TSSK2: variants seen among roughly 807,000 people sequenced by gnomAD.
TSSK2 encodes the protein testis specific serine kinase 2, also known as testis-specific serine/threonine-protein kinase 2.
TSSK2 carries 5 observed loss-of-function variants against 14.2 expected under a neutral mutation model. The ratio of observed to expected loss-of-function variants is 0.35; its 90% CI spans 0.18 to 0.74. TSSK2 has a LOEUF of 0.74. Among genes scored for constraint, TSSK2 ranks in the 30% least tolerant of loss-of-function variants. The pLI is 0.56. For synonymous variants in TSSK2, 209 were observed against 201.9 expected (o/e 1.04, Z -0.30); for missense variants, 439 against 491.1 (o/e 0.89, Z 1.00).
chr22:19,132,136 A>T lies in TSSK2; in HGVS notation c.737A>T (p.Lys246Met). Residue 246 changes from lysine to methionine, a missense_variant, in exon 1 of 1, where the codon AAG (lysine) becomes ATG (methionine). Lys to Met is a moderately conservative substitution (Grantham distance 95). Coordinates refer to ENST00000399635, the MANE Select transcript of TSSK2 (RefSeq NM_053006.5). The surrounding 1 kb of genome is among the most constrained non-coding windows in gnomAD (Gnocchi z 4.2). ...TCCAAGAACCTGACCTGCGAGTGCA[A>T]GGACCTCATCTACCGCATGCTGCAG... ...PRSKNLTCECKDLIYRMLQPD... is the reference protein window; with the variant it reads ...PRSKNLTCECMDLIYRMLQPD... 1.2e-6 allele frequency: 2 copies of T among 1,613,050 alleles called. No individual in the cohort carries two copies. The highest frequency in any genetic ancestry group is 1.1e-5 in the South Asian group (1 of 91,060).
rs767443405 is a variant in TSSK2, at chr22:19,132,507, G to T, written c.*31G>T. The T allele has an allele frequency of 1.9e-6, 3 of 1,571,788 alleles. No individual in the cohort carries two copies. Among genetic ancestry groups the T allele is most frequent in the Non-Finnish European group, 2.6e-6 (3 of 1,155,598 alleles). The stretch of plus-strand genomic sequence containing the variant: ...CAATGGCCCCGTTGTGTGTGGTGGG[G>T]GTCGGGGTTGGGGGGCATGGTGCAG... On this transcript the variant is annotated 3_prime_UTR_variant, in exon 1 of 1. Coordinates refer to ENST00000399635, the MANE Select transcript of TSSK2 (RefSeq NM_053006.5). This position sits in a 1 kb window ranked among gnomAD's most constrained non-coding sequence, Gnocchi z 4.2.
In TSSK2 at chr22:19,131,558, G is replaced by A. The variant is rs144602456; in HGVS notation, c.159G>A (p.Val53=). 3 of 1,614,026 alleles carry A rather than the reference G, an allele frequency of 1.9e-6. No individual in the cohort carries two copies. The highest frequency in any genetic ancestry group is 1.3e-5 in the African/African-American group (1 of 74,916). The change falls in exon 1 of 1, where the codon GTG becomes GTA. Residue 53 remains valine (V), a synonymous_variant. Transcript: ENST00000399635. The surrounding 1 kb of genome is among the most constrained non-coding windows in gnomAD (Gnocchi z 5.7). ...GCAAGAAAACACCTACTGACTTTGT[G>A]GAGAGATTCCTTCCTCGGGAGATGG... ...IDRKKTPTDF[V]ERFLPREMDI...
Position 19,132,047 on chromosome 22 carries a change from T to C in TSSK2, c.648T>C (p.Tyr216=). The change falls in exon 1 of 1, where the codon TAT becomes TAC. Residue 216 remains tyrosine (Y), a synonymous_variant. Coordinates refer to ENST00000399635, the MANE Select transcript of TSSK2 (RefSeq NM_053006.5). The surrounding 1 kb of genome is among the most constrained non-coding windows in gnomAD (Gnocchi z 4.2). ...LYIMVCGSMP[Y]DDSDIRKMLR... is the part of the protein sequence containing the mutation. ...TCATGGTCTGCGGCTCCATGCCCTA[T>C]GACGACTCCGACATCAGGAAGATGC... 6.2e-7 allele frequency: 1 copy of C among 1,614,078 alleles called. No homozygotes were observed. The highest frequency in any genetic ancestry group is 8.5e-7 in the Non-Finnish European group (1 of 1,179,984).
rs138079700 is a variant in TSSK2 at position 19,132,107 on chromosome 22, G to A, written c.708G>A (p.Pro236=). Reference sequence around the variant, plus strand: ...AGAAGGAGCACCGTGTGGACTTCCCGCGCTCCAAGAACCTGACCTGCGAGT... The same window carrying A: ...AGAAGGAGCACCGTGTGGACTTCCCACGCTCCAAGAACCTGACCTGCGAGT... ...RIQKEHRVDF[P]RSKNLTCECK... Residue 236 remains proline (P), a synonymous_variant, in exon 1 of 1, where the codon CCG becomes CCA. Coordinates refer to ENST00000399635, the MANE Select transcript of TSSK2 (RefSeq NM_053006.5). This position sits in a 1 kb window ranked among gnomAD's most constrained non-coding sequence, Gnocchi z 4.2. 4.9e-5 allele frequency: 79 copies of A among 1,612,962 alleles called. No homozygotes were observed. Among genetic ancestry groups the A allele is most frequent in the African/African-American group, 4.7e-4 (35 of 75,010 alleles).
Position 19,131,417 on chromosome 22 carries a change from C to A in TSSK2, c.18C>A (p.Val6=), listed in dbSNP as rs757826987. 3 of 1,609,204 alleles carry A rather than the reference C, an allele frequency of 1.9e-6. No individual in the cohort carries two copies. Among genetic ancestry groups the A allele is most frequent in the Non-Finnish European group, 2.5e-6 (3 of 1,177,218 alleles). Residue 6 remains valine (V), a synonymous_variant, in exon 1 of 1, where the codon GTC becomes GTA. Transcript: ENST00000399635. This position sits in a 1 kb window ranked among gnomAD's most constrained non-coding sequence, Gnocchi z 5.7. MDDAT[V]LRKKGYIVGI... ...CTGGCACCATGGACGATGCCACAGT[C>A]CTAAGGAAGAAGGGTTACATCGTAG... is the stretch of plus-strand genomic sequence containing the variant.
rs1052773 is a variant in TSSK2, at chr22:19,132,425, G to A, written c.1026G>A (p.Arg342=). ...RMEDRLAETS[R]AKDHHISGAE... ...AGGACAGGCTGGCCGAGACCTCCAG[G>A]GCCAAAGACCATCACATCTCCGGAG... The change falls in exon 1 of 1, where the codon AGG becomes AGA. Residue 342 remains arginine, a synonymous_variant. Coordinates refer to ENST00000399635, the MANE Select transcript of TSSK2 (RefSeq NM_053006.5). The surrounding 1 kb of genome is among the most constrained non-coding windows in gnomAD (Gnocchi z 4.2). The A allele has an allele frequency of 0.18, 296,599 of 1,612,456 alleles. 28,555 individuals are homozygous for A. Among genetic ancestry groups the A allele is most frequent in the South Asian group, 0.27 (24,856 of 91,034 alleles).
Position 19,131,333 on chromosome 22 carries a change from G to A in TSSK2, c.-67G>A. The A allele has an allele frequency of 3.5e-6, 5 of 1,424,728 alleles. No homozygotes were observed. Among genetic ancestry groups the A allele is most frequent in the Non-Finnish European group, 4.8e-6 (5 of 1,041,230 alleles). The allele number at this position is 1,424,728 out of a possible 1,614,324, so 88.3% of individuals were successfully genotyped here. A position where few individuals can be genotyped will look rare whatever the true frequency, so the allele number is the denominator to read the frequency against. On this transcript the variant is annotated 5_prime_UTR_variant, in exon 1 of 1. Transcript: ENST00000399635. This position sits in a 1 kb window ranked among gnomAD's most constrained non-coding sequence, Gnocchi z 5.7. ...AGACGCCTCCGGTAGTGTAAATGAG[G>A]ACAATGCCTGCTGGCCCACATGACG... is the stretch of plus-strand genomic sequence containing the variant.
rs1181383032 is a variant in TSSK2, at chr22:19,132,370, T to C, written c.971T>C (p.Leu324Pro). Residue 324 changes from leucine (L) to proline (P), a missense_variant, in exon 1 of 1, where the codon CTG (leucine) becomes CCG (proline). By Grantham distance (98) the Leu-to-Pro change is moderately conservative. Transcript: ENST00000399635. This position sits in a 1 kb window ranked among gnomAD's most constrained non-coding sequence, Gnocchi z 4.2. ...KLGAKTQHRL[L>P]VVPENENRME... ...GGAGCCAAAACCCAGCACCGGCTGC[T>C]GGTGGTGCCCGAGAACGAGAACAGG... is the stretch of plus-strand genomic sequence containing the variant. 1 of 1,613,020 alleles carries C rather than the reference T, an allele frequency of 6.2e-7. No individual in the cohort carries two copies. The highest frequency in any genetic ancestry group is 1.1e-5 in the South Asian group (1 of 91,064).
chr22:19,131,537 G>A lies in TSSK2; in HGVS notation c.138G>A (p.Lys46=), dbSNP rs1389489814. Residue 46 remains lysine, a synonymous_variant, in exon 1 of 1, where the codon AAG becomes AAA. Transcript: ENST00000399635. The surrounding 1 kb of genome is among the most constrained non-coding windows in gnomAD (Gnocchi z 5.7). The part of the protein sequence containing the change: ...FNVAVKIIDR[K]KTPTDFVERF... The stretch of plus-strand genomic sequence containing the variant: ...TGGCTGTCAAGATCATCGACCGCAA[G>A]AAAACACCTACTGACTTTGTGGAGA... 6.2e-7 allele frequency: 1 copy of A among 1,614,062 alleles called. No homozygotes were observed. The highest frequency in any genetic ancestry group is 8.5e-7 in the Non-Finnish European group (1 of 1,180,058).
chr22:19,132,224 CAAGCCCA>C lies in TSSK2; in HGVS notation c.831_837del (p.Lys278ArgfsTer26). 1 of 1,612,424 alleles carries C rather than the reference CAAGCCCA, an allele frequency of 6.2e-7. No individual in the cohort carries two copies. ...TCAGCCACTCGTGGCTGCAGCCCCC[CAAGCCCA>C]AAGCCACGTCTTCTGCCTCCTTCAA... On this transcript the variant is annotated frameshift_variant, in exon 1 of 1. Coordinates refer to ENST00000399635, the MANE Select transcript of TSSK2 (RefSeq NM_053006.5). LOFTEE classifies it high-confidence loss of function. This position sits in a 1 kb window ranked among gnomAD's most constrained non-coding sequence, Gnocchi z 4.2.
chr22:19,132,407 G>A lies in TSSK2; in HGVS notation c.1008G>A (p.Arg336=), dbSNP rs758245828. 2.4e-5 allele frequency: 39 copies of A among 1,612,982 alleles called. 1 individual carries two copies. The highest frequency in any genetic ancestry group is 3.2e-5 in the Non-Finnish European group (38 of 1,180,002). Residue 336 remains arginine, a synonymous_variant, in exon 1 of 1, where the codon AGG becomes AGA. Transcript: ENST00000399635. The surrounding 1 kb of genome is among the most constrained non-coding windows in gnomAD (Gnocchi z 4.2). ...AGAACGAGAACAGGATGGAGGACAG[G>A]CTGGCCGAGACCTCCAGGGCCAAAG... ...VPENENRMED[R]LAETSRAKDH...
chr22:19,132,554 T>C lies in TSSK2; in HGVS notation c.*78T>C. 2.9e-6 allele frequency: 4 copies of C among 1,395,854 alleles called. No homozygotes were observed. Among genetic ancestry groups the C allele is most frequent in the Non-Finnish European group, 3.9e-6 (4 of 1,019,588 alleles). The allele number at this position is 1,395,854 out of a possible 1,614,324, so 86.5% of individuals were successfully genotyped here. On this transcript the variant is annotated 3_prime_UTR_variant, in exon 1 of 1. Coordinates refer to ENST00000399635, the MANE Select transcript of TSSK2 (RefSeq NM_053006.5). This position sits in a 1 kb window ranked among gnomAD's most constrained non-coding sequence, Gnocchi z 4.2. ...GCAGTCGGCCTTCACGTAAACTAAGTAGGCAGGTAGGATCTGAAGAAGGCA... is the reference window on the plus strand; with the variant it reads ...GCAGTCGGCCTTCACGTAAACTAAGCAGGCAGGTAGGATCTGAAGAAGGCA...
chr22:19,131,379 G>C lies in TSSK2; in HGVS notation c.-21G>C, dbSNP rs1569102190. 6.4e-7 allele frequency: 1 copy of C among 1,564,154 alleles called. No homozygotes were observed. Among genetic ancestry groups the C allele is most frequent in the Non-Finnish European group, 8.7e-7 (1 of 1,152,154 alleles). On this transcript the variant is annotated 5_prime_UTR_variant, in exon 1 of 1. Transcript: ENST00000399635. This position sits in a 1 kb window ranked among gnomAD's most constrained non-coding sequence, Gnocchi z 5.7. ...TGACGGGGGGATGTAGACGGCAGCGGCGCCAGTCGCTCCTGGCACCATGGA... is the reference window on the plus strand; with the variant it reads ...TGACGGGGGGATGTAGACGGCAGCGCCGCCAGTCGCTCCTGGCACCATGGA...
At position 19,131,546 on chromosome 22, in the gene TSSK2, TACTG is replaced by T. The variant is rs2083506975; in HGVS notation, c.151_154del (p.Asp51LeufsTer153). ...AGATCATCGACCGCAAGAAAACACC[TACTG>T]ACTTTGTGGAGAGATTCCTTCCTCG... On this transcript the variant is annotated frameshift_variant, in exon 1 of 1. Transcript: ENST00000399635. LOFTEE classifies it high-confidence loss of function. This position sits in a 1 kb window ranked among gnomAD's most constrained non-coding sequence, Gnocchi z 5.7. The T allele has an allele frequency of 1.9e-6, 3 of 1,614,132 alleles. No homozygotes were observed. The highest frequency in any genetic ancestry group is 1.3e-5 in the African/African-American group (1 of 75,034).
At position 19,132,527 on chromosome 22, in the gene TSSK2, G is replaced by C. The variant is rs757802014; in HGVS notation, c.*51G>C. ...GTGGGGGTCGGGGTTGGGGGGCATGGTGCAGTCGGCCTTCACGTAAACTAA... is the reference window on the plus strand; with the variant it reads ...GTGGGGGTCGGGGTTGGGGGGCATGCTGCAGTCGGCCTTCACGTAAACTAA... On this transcript the variant is annotated 3_prime_UTR_variant, in exon 1 of 1. Coordinates refer to ENST00000399635, the MANE Select transcript of TSSK2 (RefSeq NM_053006.5). The surrounding 1 kb of genome is among the most constrained non-coding windows in gnomAD (Gnocchi z 4.2). 6.5e-7 allele frequency: 1 copy of C among 1,531,816 alleles called. No individual in the cohort carries two copies. The highest frequency in any genetic ancestry group is 8.8e-7 in the Non-Finnish European group (1 of 1,132,384). The allele number at this position is 1,531,816 out of a possible 1,614,324, so 94.9% of individuals were successfully genotyped here.
At position 19,131,428 on chromosome 22, in the gene TSSK2, A is replaced by G; in HGVS notation, c.29A>G (p.Lys10Arg). 1 of 1,612,126 alleles carries G rather than the reference A, an allele frequency of 6.2e-7. No individual in the cohort carries two copies. The highest frequency in any genetic ancestry group is 8.5e-7 in the Non-Finnish European group (1 of 1,178,768). The change falls in exon 1 of 1, where the codon AAG becomes AGG. Residue 10 changes from lysine to arginine, a missense_variant. Physicochemically the swap from Lys to Arg is conservative, Grantham distance 26. Coordinates refer to ENST00000399635, the MANE Select transcript of TSSK2 (RefSeq NM_053006.5). The surrounding 1 kb of genome is among the most constrained non-coding windows in gnomAD (Gnocchi z 5.7). ...GACGATGCCACAGTCCTAAGGAAGA[A>G]GGGTTACATCGTAGGCATCAATCTT... MDDATVLRKKGYIVGINLGK... is the reference protein window; with the variant it reads MDDATVLRKRGYIVGINLGK...
rs2083521030 is a variant in TSSK2, at chr22:19,132,530, C to CA, written c.*55dup. On this transcript the variant is annotated 3_prime_UTR_variant, in exon 1 of 1. Coordinates refer to ENST00000399635, the MANE Select transcript of TSSK2 (RefSeq NM_053006.5). The surrounding 1 kb of genome is among the most constrained non-coding windows in gnomAD (Gnocchi z 4.2). The stretch of plus-strand genomic sequence containing the variant: ...GGGGTCGGGGTTGGGGGGCATGGTG[C>CA]AGTCGGCCTTCACGTAAACTAAGTA... 1.3e-6 allele frequency: 2 copies of CA among 1,523,170 alleles called. No individual in the cohort carries two copies. The highest frequency in any genetic ancestry group is 4.5e-5 in the East Asian group (2 of 44,016). 94.4% of individuals were successfully genotyped at this position (1,523,170 alleles called of 1,614,324 possible).
At position 19,131,771 on chromosome 22, in the gene TSSK2, C is replaced by G. The variant is rs1232665394; in HGVS notation, c.372C>G (p.Val124=). Residue 124 remains valine (V), a synonymous_variant, in exon 1 of 1, where the codon GTC becomes GTG. Transcript: ENST00000399635. The surrounding 1 kb of genome is among the most constrained non-coding windows in gnomAD (Gnocchi z 5.7). The part of the protein sequence containing the change: ...RKMFRQLSSA[V]KYCHDLDIVH... ...TGTTCCGACAGCTCTCCTCCGCCGT[C>G]AAGTACTGCCACGACCTGGACATCG... 6.2e-7 allele frequency: 1 copy of G among 1,614,226 alleles called. No individual in the cohort carries two copies. The highest frequency in any genetic ancestry group is 2.2e-5 in the East Asian group (1 of 44,878).
At position 19,131,417 on chromosome 22, in the gene TSSK2, C is replaced by T; in HGVS notation, c.18C>T (p.Val6=). 1 of 1,609,204 alleles carries T rather than the reference C, an allele frequency of 6.2e-7. No individual in the cohort carries two copies. Among genetic ancestry groups the T allele is most frequent in the Non-Finnish European group, 8.5e-7 (1 of 1,177,218 alleles). Residue 6 remains valine (V), a synonymous_variant, in exon 1 of 1, where the codon GTC becomes GTT. Transcript: ENST00000399635. This position sits in a 1 kb window ranked among gnomAD's most constrained non-coding sequence, Gnocchi z 5.7. The stretch of plus-strand genomic sequence containing the variant: ...CTGGCACCATGGACGATGCCACAGT[C>T]CTAAGGAAGAAGGGTTACATCGTAG... MDDAT[V]LRKKGYIVGI...
Sources: gnomAD v4.1 joint callset for allele counts on GRCh38, gnomAD v4.1.1 for gene constraint, Gnocchi (gnomAD v3.1) non-coding constraint, MANE v1.5 for transcripts, NCBI Gene and HGNC (gene_info 2026-07-23, HGNC 2026-07-21) for gene names.